Variants in YTHDC1 observed in about 807,000 individuals in gnomAD.
YTHDC1 encodes YTH N6-methyladenosine RNA binding protein C1.
In YTHDC1, 12 loss-of-function variants were observed where a neutral mutation model predicts 107.0. The ratio of observed to expected loss-of-function variants is 0.11; its 90% CI spans 0.07 to 0.18. The LOEUF (loss-of-function observed/expected upper bound fraction) is 0.18, where lower values mean the gene tolerates loss of function less well. Ranked by LOEUF, YTHDC1 falls within the 10% of genes least tolerant of loss-of-function variation. YTHDC1 has a pLI of 1.00. For missense variants in YTHDC1, 635 were observed against 898.8 expected (o/e 0.71, Z 3.75); for synonymous variants, 280 against 289.5 (o/e 0.97, Z 0.33).
intron 4 of YTHDC1, among the ~76,000 whole-genome samples, chr4:68,334,586 T>C (rs1394538960): frequency 7.9e-5 from 12 of 152,202 alleles, no homozygotes; most frequent in Admixed American, 5.9e-4. Flanking sequence ...GCTTTTTTCA[T>C]TATTTCTTTC....
intron 9 of YTHDC1, among the ~76,000 whole-genome samples, chr4:68,328,024 T>C (rs139367066): frequency 2.8e-4 from 43 of 152,324 alleles, no homozygotes; most frequent in African/African-American, 1.0e-3. Flanking sequence ...AAATTGAGTC[T>C]GTCTACCTCT....
intron 1 of YTHDC1, among the ~76,000 whole-genome samples, chr4:68,339,627 G>A (rs202199660): frequency 3.9e-5 from 3 of 77,590 alleles, no homozygotes; most frequent in Admixed American, 3.4e-4. Flanking sequence ...CACACAGAAT[G>A]AGACAAATGT....
At chr4:68,332,988 A>G in intron 5 of YTHDC1, 141 bp from the exon 6 acceptor site, 1 of 699,438 alleles carries the variant, frequency 1.4e-6, no homozygotes, top group Non-Finnish European at 2.4e-6. Context: ...AAAACTTCTC[A>G]ATGTGTACGA....
intron 11 of YTHDC1, among the ~76,000 whole-genome samples, chr4:68,320,565 A>C (rs1722336656): frequency 1.3e-5 from 2 of 152,106 alleles, no homozygotes; most frequent in Non-Finnish European, 2.9e-5. Context: ...TTCCCAAATA[A>C]AGTCTCCATT....
intron 4 of YTHDC1, among the ~76,000 whole-genome samples, chr4:68,333,696 G>T (rs958826755): frequency 6.6e-6 from 1 of 151,972 alleles, no homozygotes; most frequent in Non-Finnish European, 1.5e-5. Flanking sequence ...AAGCGGGGGG[G>T]GAAATTTGCA....
chr4:68,338,396 A>T lies in YTHDC1; in HGVS notation c.29-12T>A. Reference sequence around the variant, plus strand: ...ATTAAGTTCTCCATCTGCAAATAAAATTAAAAATTAATAGGGAAAAATCAC... The same window carrying T: ...ATTAAGTTCTCCATCTGCAAATAAATTTAAAAATTAATAGGGAAAAATCAC... On this transcript the variant is annotated splice_polypyrimidine_tract_variant and intron_variant, in intron 1 of 16. Coordinates refer to ENST00000344157, the MANE Select transcript of YTHDC1 (RefSeq NM_001031732.4). 6.4e-7 allele frequency: 1 copy of T among 1,565,244 alleles called. No individual in the cohort carries two copies. The highest frequency in any genetic ancestry group is 1.2e-5 in the South Asian group (1 of 84,896).
At chr4:68,330,392 A>G (rs532914107) in intron 7 of YTHDC1, 82 bp from the exon 8 acceptor site, 5 of 945,154 alleles carry the variant, frequency 5.3e-6, no homozygotes, top group African/African-American at 3.3e-5. Context: ...AAAAAACTAC[A>G]TATTTTGGTG....
Position 68,337,644 on chromosome 4 carries a change from T to G in YTHDC1, c.387A>C (p.Gln129His), listed in dbSNP as rs755173030. ...SSASREPYKN[Q>H]PEKTCVRKRD... Reference sequence around the variant, plus strand: ...TTTTCCGGACACAGGTTTTTTCAGGTTGATTCTTATAAGGTTCTCTGGAGG... The same window carrying G: ...TTTTCCGGACACAGGTTTTTTCAGGGTGATTCTTATAAGGTTCTCTGGAGG... The change falls in exon 3 of 17, where the codon CAA becomes CAC. Residue 129 changes from glutamine (Q) to histidine (H), a missense_variant. By Grantham distance (24) the Gln-to-His change is conservative. Around this residue, in one of 5 missense-constraint regions of YTHDC1, gnomAD observed 294 missense variants for 312.3 expected, o/e 0.94. Coordinates refer to ENST00000344157, the MANE Select transcript of YTHDC1 (RefSeq NM_001031732.4). 6.2e-7 allele frequency: 1 copy of G among 1,613,932 alleles called. No homozygotes were observed. Among genetic ancestry groups the G allele is most frequent in the African/African-American group, 1.3e-5 (1 of 74,904 alleles).
At chr4:68,349,100 C>T (rs1411785593) in intron 1 of YTHDC1, among the ~76,000 whole-genome samples, 3 of 152,132 alleles carry the variant, frequency 2.0e-5, no homozygotes, top group African/African-American at 7.2e-5. Flanking sequence ...ATAATAGCAC[C>T]CAGGATTTCT....
chr4:68,313,994 T>A lies in YTHDC1; in HGVS notation c.*105A>T. 8.5e-7 allele frequency: 1 copy of A among 1,176,494 alleles called. No individual in the cohort carries two copies. The highest frequency in any genetic ancestry group is 1.2e-6 in the Non-Finnish European group (1 of 816,892). The allele number at this position is 1,176,494 out of a possible 1,614,324, so 72.9% of individuals were successfully genotyped here. Reference sequence around the variant, plus strand: ...TAATAAATCCTTCTACACAATGAACTTCATAGGCAGACAGCTGAAAATAAA... The same window carrying A: ...TAATAAATCCTTCTACACAATGAACATCATAGGCAGACAGCTGAAAATAAA... On this transcript the variant is annotated 3_prime_UTR_variant, in exon 17 of 17. Coordinates refer to ENST00000344157, the MANE Select transcript of YTHDC1 (RefSeq NM_001031732.4).
chr4:68,335,338 C>T (rs1168594902), intron 4 of YTHDC1, among the ~76,000 whole-genome samples: 3 of 152,052 alleles, frequency 2.0e-5, no homozygotes, highest in Admixed American at 2.0e-4. Context: ...GCATGTTCCA[C>T]ATAAGGGATT....
intron 4 of YTHDC1, among the ~76,000 whole-genome samples, chr4:68,335,260 C>T (rs1415376100): frequency 1.4e-5 from 2 of 142,574 alleles, no homozygotes; most frequent in Non-Finnish European, 3.2e-5. Flanking sequence ...GTTCCAAAAT[C>T]ACCCCATTAC....
chr4:68,332,879 T>C (rs1222834146), intron 5 of YTHDC1, 32 bp from the exon 6 acceptor site: 1 of 1,591,294 alleles, frequency 6.3e-7, no homozygotes, highest in Non-Finnish European at 8.6e-7. Context: ...TTGTTCAGAT[T>C]GAGCTTTAAT....
At chr4:68,331,133 A>G (rs1293516054) in intron 7 of YTHDC1, among the ~76,000 whole-genome samples, 1 of 152,136 alleles carries the variant, frequency 6.6e-6, no homozygotes, top group African/African-American at 2.4e-5. Flanking sequence ...TCACCTCTAG[A>G]ATACTTATAC....
In YTHDC1 at chr4:68,310,699, C is replaced by A. The variant is rs983307415; in HGVS notation, c.*3400G>T. On this transcript the variant is annotated 3_prime_UTR_variant, in exon 17 of 17. Coordinates refer to ENST00000344157, the MANE Select transcript of YTHDC1 (RefSeq NM_001031732.4). ...ATGTTTCCTACCCAAATAACAAAATCTTAAACATGAAGCTAAAATTATCCA... is the reference window on the plus strand; with the variant it reads ...ATGTTTCCTACCCAAATAACAAAATATTAAACATGAAGCTAAAATTATCCA... 2.0e-5 allele frequency: 3 copies of A among 152,168 alleles called. No individual in the cohort carries two copies. The highest frequency in any genetic ancestry group is 4.4e-5 in the Non-Finnish European group (3 of 68,038). 9.4% of individuals were successfully genotyped at this position (152,168 alleles called of 1,614,324 possible).
intron 9 of YTHDC1, among the ~76,000 whole-genome samples, chr4:68,326,882 C>T (rs758926518): frequency 7.3e-5 from 11 of 151,616 alleles, no homozygotes; most frequent in Non-Finnish European, 1.3e-4. Context: ...TGAACCACTG[C>T]GCCCAGCCAT....
Position 68,342,393 on chromosome 4 carries a change from G to A in YTHDC1, c.29-4009C>T, listed in dbSNP as rs187370637. Among the ~76,000 whole-genome samples the A allele has an allele frequency of 3.3e-5, 5 of 152,048 alleles. No homozygotes were observed. The East Asian group carries it at 7.7e-4, about 24-fold the overall frequency. On this transcript the variant is annotated intron_variant, in intron 1 of 16. Transcript: ENST00000344157. Reference sequence around the variant, plus strand: ...TTTTACATGGTAGTTTAGGACTCTCGTGTCCCAACAGAGACGGGAACAGGT... The same window carrying A: ...TTTTACATGGTAGTTTAGGACTCTCATGTCCCAACAGAGACGGGAACAGGT...
intron 15 of YTHDC1, 68 bp from the exon 16 acceptor site, chr4:68,316,516 C>G (rs1232659753): frequency 2.6e-6 from 4 of 1,535,810 alleles, no homozygotes; most frequent in African/African-American, 1.4e-5. Context: ...TTCTTAGAAC[C>G]CTTCATCCAA....
chr4:68,339,162 T>A (rs1345742845), intron 1 of YTHDC1, among the ~76,000 whole-genome samples: 1 of 152,162 alleles, frequency 6.6e-6, no homozygotes, highest in Non-Finnish European at 1.5e-5. Context: ...ATAATCAAAG[T>A]TAACATCACC....
Sources: allele counts gnomAD v4.1 joint callset (sites outside exome capture counted in the v4.1 genomes callset), GRCh38; gene constraint gnomAD v4.1.1; regional missense constraint gnomAD v4.1.1; transcripts MANE v1.5; gene names NCBI Gene and HGNC (gene_info 2026-07-23, HGNC 2026-07-21).